Variants in PUM1 observed in about 807,000 individuals in gnomAD.
PUM1 encodes the protein pumilio homolog 1.
A neutral mutation model predicts 131.8 loss-of-function variants in PUM1; 13 were observed. The ratio of observed to expected loss-of-function variants is 0.10; its 90% CI spans 0.06 to 0.16. The LOEUF (loss-of-function observed/expected upper bound fraction) is 0.16, where lower values mean the gene tolerates loss of function less well. Ranked by LOEUF, PUM1 falls within the 10% of genes least tolerant of loss-of-function variation. The probability of loss-of-function intolerance (pLI) is 1.00; values close to 1 mark genes in which losing one functional copy is unlikely to be tolerated. For synonymous variants in PUM1, 509 were observed against 556.5 expected (o/e 0.91, Z 1.20); for missense variants, 961 against 1,512.4 (o/e 0.64, Z 6.05).
rs1253773746 is a variant in PUM1, at chr1:30,941,060, AC to A, written c.3242+90del. ...TATATATACTTTGAAAACAACAACA[AC>A]AACAACAACATTAAAAAATAAGATA... On this transcript the variant is annotated intron_variant, in intron 20 of 21. Transcript: ENST00000426105. The A allele has an allele frequency of 7.2e-6, 10 of 1,386,760 alleles. No homozygotes were observed. The African/African-American group carries it at 1.0e-4, about 14-fold the overall frequency. 85.9% of individuals were successfully genotyped at this position (1,386,760 alleles called of 1,614,324 possible). A position where few individuals can be genotyped will look rare whatever the true frequency, so the allele number is the denominator to read the frequency against.
intron 3 of PUM1, among the ~76,000 whole-genome samples, chr1:31,015,400 G>A (rs1328110631): frequency 6.6e-6 from 1 of 151,548 alleles, no homozygotes; most frequent in Non-Finnish European, 1.5e-5. Context: ...GGAGTGCAGT[G>A]GCATGATCTC....
intron 20 of PUM1, 131 bp downstream of exon 20, chr1:30,941,020 A>AT (rs1271475900): frequency 2.8e-6 from 3 of 1,086,918 alleles, no homozygotes; most frequent in African/African-American, 1.6e-5. Flanking sequence ...TAATAAAACT[A>AT]TTTGACTTTT....
intron 7 of PUM1, among the ~76,000 whole-genome samples, chr1:30,988,504 T>C (rs1236795819): frequency 6.6e-6 from 1 of 152,190 alleles, no homozygotes; most frequent in South Asian, 2.1e-4. Context: ...AACCTACCAT[T>C]TGCAGCAAAC....
chr1:30,993,401 G>T (rs1188574507), intron 6 of PUM1, among the ~76,000 whole-genome samples: 2 of 150,280 alleles, frequency 1.3e-5, no homozygotes, highest in African/African-American at 4.9e-5. Context: ...CAAGGTTCTG[G>T]GTAACCCAGG....
chr1:31,022,508 GT>G (rs1425382796), intron 3 of PUM1, among the ~76,000 whole-genome samples: 1 of 152,192 alleles, frequency 6.6e-6, no homozygotes, highest in Non-Finnish European at 1.5e-5. Context: ...AATGGGTGGG[GT>G]TTGCACATTG....
intron 7 of PUM1, among the ~76,000 whole-genome samples, chr1:30,988,358 G>C (rs1384123296): frequency 6.6e-6 from 1 of 152,106 alleles, no homozygotes; most frequent in Non-Finnish European, 1.5e-5. Flanking sequence ...ATTATAGGCT[G>C]ATAATAAGTT....
intron 2 of PUM1, among the ~76,000 whole-genome samples, chr1:31,054,535 TAAA>T (rs555867693): frequency 0.33 from 27,036 of 82,614 alleles, 2,831 homozygotes; most frequent in East Asian, 0.5. Context: ...AAAGGGCCAC[TAAA>T]AAAAAAAAAA....
At chr1:30,995,330 T>C in intron 5 of PUM1, 110 bp from the exon 6 acceptor site, 3 of 1,195,842 alleles carry the variant, frequency 2.5e-6, no homozygotes, top group Admixed American at 4.0e-5. Flanking sequence ...GATAGTGTTG[T>C]GCCCTTTCAC....
chr1:30,962,399 G>C (rs145810804), intron 14 of PUM1, among the ~76,000 whole-genome samples: 2 of 152,122 alleles, frequency 1.3e-5, no homozygotes, highest in Non-Finnish European at 2.9e-5. Context: ...AGGAACCACA[G>C]CTTTTTATTT....
chr1:31,034,221 C>CTT (rs1162433485), intron 2 of PUM1, among the ~76,000 whole-genome samples: 3 of 152,202 alleles, frequency 2.0e-5, no homozygotes, highest in Non-Finnish European at 4.4e-5. Context: ...CTCAGTGTGT[C>CTT]TTTACAATGA....
intron 2 of PUM1, among the ~76,000 whole-genome samples, chr1:31,048,280 TAAAA>T (rs576725701): frequency 6.6e-6 from 1 of 150,822 alleles, no homozygotes; most frequent in African/African-American, 2.4e-5. Context: ...AAAAAAGAAA[TAAAA>T]AAAATCTTAT....
chr1:31,023,664 C>T (rs1009187053), intron 3 of PUM1, among the ~76,000 whole-genome samples: 1 of 152,196 alleles, frequency 6.6e-6, no homozygotes, highest in Non-Finnish European at 1.5e-5. Flanking sequence ...GGCGCGGTGG[C>T]TCATGCCTGT....
At position 31,059,642 on chromosome 1, in the gene PUM1, T is replaced by A. The variant is rs1342543736; in HGVS notation, c.-11-65A>T. The A allele has an allele frequency of 2.7e-6, 4 of 1,497,242 alleles. No homozygotes were observed. In the African/African-American group the frequency reaches 5.6e-5, roughly 21 times the overall value. The allele number at this position is 1,497,242 out of a possible 1,614,324, so 92.7% of individuals were successfully genotyped here. On this transcript the variant is annotated intron_variant, in intron 1 of 21. Transcript: ENST00000426105. The stretch of plus-strand genomic sequence containing the variant: ...TTTTGAAACATAAAACACACTAAGA[T>A]AAAAACATGAACCCCATGTCTTTTA...
chr1:31,019,033 G>A (rs1642925111), intron 3 of PUM1, among the ~76,000 whole-genome samples: 1 of 152,214 alleles, frequency 6.6e-6, no homozygotes, highest in South Asian at 2.1e-4. Flanking sequence ...ATCAAGTTGA[G>A]ATAAGAATTT....
At chr1:31,017,981 T>C (rs1215294073) in intron 3 of PUM1, among the ~76,000 whole-genome samples, 4 of 152,186 alleles carry the variant, frequency 2.6e-5, no homozygotes, top group African/African-American at 9.7e-5. Flanking sequence ...AAAGGAACTG[T>C]GGAAGTAGGG....
In PUM1 at chr1:30,967,093, A is replaced by G; in HGVS notation, c.1789+74T>C. On this transcript the variant is annotated intron_variant, in intron 12 of 21. Transcript: ENST00000426105. ...TGAGAATTGCCAAAAGTTTATTTCA[A>G]CATACTTTAAGAATCTCACTATCAG... The G allele has an allele frequency of 2.5e-6, 4 of 1,570,258 alleles. No homozygotes were observed. In the Middle Eastern group the frequency reaches 5.4e-4, roughly 213 times the overall value.
intron 20 of PUM1, among the ~76,000 whole-genome samples, chr1:30,938,722 G>A (rs1479468793): frequency 3.3e-5 from 5 of 152,178 alleles, no homozygotes; most frequent in East Asian, 2.0e-4. Context: ...AAAATTAGCC[G>A]GGAGTGGTGG....
intron 2 of PUM1, among the ~76,000 whole-genome samples, chr1:31,030,908 G>C (rs748512578): frequency 2.0e-5 from 3 of 152,138 alleles, no homozygotes; most frequent in Non-Finnish European, 4.4e-5. Flanking sequence ...GATTGGGAAT[G>C]CTCACTAAAA....
intron 2 of PUM1, among the ~76,000 whole-genome samples, chr1:31,049,018 C>T (rs1644040749): frequency 6.6e-6 from 1 of 151,690 alleles, no homozygotes; most frequent in Non-Finnish European, 1.5e-5. Flanking sequence ...CCAGCCTGGC[C>T]AATATGGCAA....
Sources: gnomAD v4.1 joint callset for allele counts (sites outside exome capture counted in the v4.1 genomes callset) on GRCh38, gnomAD v4.1.1 for gene constraint, MANE v1.5 for transcripts, NCBI Gene and HGNC (gene_info 2026-07-23, HGNC 2026-07-21) for gene names.